Variants in CLPB observed in about 807,000 individuals in gnomAD.
CLPB encodes mitochondrial disaggregase.
CLPB carries 40 observed loss-of-function variants against 78.4 expected under a neutral mutation model. That is an observed-to-expected ratio of 0.51 (90% CI 0.40 to 0.66). The LOEUF (loss-of-function observed/expected upper bound fraction) is 0.66. Ranked by LOEUF, CLPB falls within the 30% of genes least tolerant of loss-of-function variation. The probability of loss-of-function intolerance (pLI) is 0.00; values close to 1 mark genes in which losing one functional copy is unlikely to be tolerated. For missense variants in CLPB, 780 were observed against 886.9 expected, an observed-to-expected ratio of 0.88 and a Z score of 1.53; for synonymous variants, 333 against 348.0, an observed-to-expected ratio of 0.96 and a Z score of 0.48.
chr11:72,323,565 C>CAAAA (rs371241451), intron 6 of CLPB, among the ~76,000 whole-genome samples: 5 of 68,788 alleles, frequency 7.3e-5, no homozygotes, highest in African/African-American at 6.3e-5. Context: ...GACTCCATCT[C>CAAAA]AAAAAAAAAA....
intron 5 of CLPB, among the ~76,000 whole-genome samples, chr11:72,333,926 A>C (rs1362069718): frequency 6.6e-6 from 1 of 151,234 alleles, no homozygotes; most frequent in East Asian, 1.9e-4. Flanking sequence ...CTTAGCCTCA[A>C]GGGGAGCTCT....
chr11:72,400,151 T>G (rs1050287627), intron 3 of CLPB, among the ~76,000 whole-genome samples: 1 of 152,218 alleles, frequency 6.6e-6, no homozygotes, highest in Non-Finnish European at 1.5e-5. Context: ...ATAAGCTCTA[T>G]GTGGGCAGGG....
chr11:72,377,785 G>T (rs1328351030), intron 4 of CLPB, among the ~76,000 whole-genome samples: 1 of 152,166 alleles, frequency 6.6e-6, no homozygotes, highest in African/African-American at 2.4e-5. Context: ...TGTAGAGCAG[G>T]GTTGGCAAAC....
At chr11:72,362,100 C>T (rs924277368) in intron 4 of CLPB, among the ~76,000 whole-genome samples, 1 of 152,196 alleles carries the variant, frequency 6.6e-6, no homozygotes, top group African/African-American at 2.4e-5. Flanking sequence ...TCTTTCTTGC[C>T]TCTGAGCTTT....
At chr11:72,395,469 T>G (rs528818730) in intron 3 of CLPB, among the ~76,000 whole-genome samples, 2 of 152,222 alleles carry the variant, frequency 1.3e-5, no homozygotes, top group Non-Finnish European at 2.9e-5. Context: ...TGGACAACCT[T>G]GGACAACTCT....
At chr11:72,389,550 A>G (rs1855185006) in intron 3 of CLPB, among the ~76,000 whole-genome samples, 1 of 152,168 alleles carries the variant, frequency 6.6e-6, no homozygotes, top group Non-Finnish European at 1.5e-5. Context: ...CAGGCCACTC[A>G]ATTATGTTTT....
chr11:72,382,308 C>T (rs529612111), intron 3 of CLPB, among the ~76,000 whole-genome samples: 1 of 152,216 alleles, frequency 6.6e-6, no homozygotes, highest in South Asian at 2.1e-4. Context: ...GGCCCAACCC[C>T]CATAAACTCA....
rs1004490311 is a variant in CLPB at position 72,434,229 on chromosome 11, G to A, written c.246C>T (p.Cys82=). The A allele has an allele frequency of 1.1e-5, 18 of 1,613,522 alleles. No homozygotes were observed. Among genetic ancestry groups the A allele is most frequent in the African/African-American group, 9.3e-5 (7 of 74,922 alleles). Residue 82 remains cysteine (C), a synonymous_variant, in exon 1 of 16, where the codon TGC becomes TGT. Transcript: ENST00000538039. ...GGCGTCCCCAAGTGGCAGCCGCGAG[G>A]CATTTGGTATCGAAGCGTCCTCCCT... ...GRQGGRFDTK[C]LAAATWGRLP...
At chr11:72,430,183 G>C in intron 2 of CLPB, 129 bp downstream of exon 2, 1 of 846,824 alleles carries the variant, frequency 1.2e-6, no homozygotes, top group Non-Finnish European at 1.9e-6. Flanking sequence ...TGTGACTACA[G>C]AGATGTCACA....
rs1949576385 is a variant in CLPB at position 72,297,641 on chromosome 11, GTGTGTGTGT to G, written c.1330-2002_1330-1994del. ...AGTTCTAGTTTTGGGGACCAGGTGT[GTGTGTGTGT>G]GTGTGTGTGTGTGTGTGTGTGTGTG... On this transcript the variant is annotated intron_variant, in intron 11 of 15. Coordinates refer to ENST00000538039, the MANE Select transcript of CLPB (RefSeq NM_001258392.3). Among the ~76,000 whole-genome samples the G allele has an allele frequency of 8.4e-5, 3 of 35,926 alleles. No homozygotes were observed. The African/African-American group carries it at 1.0e-3, about 12-fold the overall frequency. 23.6% of individuals were successfully genotyped at this position (35,926 alleles called of 152,430 possible).
Position 72,430,323 on chromosome 11 carries a change from T to C in CLPB, c.444A>G (p.Gln148=), listed in dbSNP as rs754513809. The C allele has an allele frequency of 1.2e-6, 2 of 1,613,396 alleles. No homozygotes were observed. The highest frequency in any genetic ancestry group is 1.7e-6 in the Non-Finnish European group (2 of 1,179,876). The part of the protein sequence containing the change: ...LLEAARANNM[Q]EVSRLLSEGA... ...GGGGTTCAACTCACCTGCTGACTTC[T>C]TGCATATTGTTGGCACGGGCAGCTT... Residue 148 remains glutamine, a synonymous_variant, in exon 2 of 16, where the codon CAA becomes CAG. Transcript: ENST00000538039.
At chr11:72,367,797 AAAAAG>A (rs1327537612) in intron 4 of CLPB, among the ~76,000 whole-genome samples, 6 of 152,330 alleles carry the variant, frequency 3.9e-5, no homozygotes, top group Non-Finnish European at 7.4e-5. Context: ...AAATTAAAAA[AAAAAG>A]AAATGAGGTA....
chr11:72,325,586 T>C (rs1015837072), intron 6 of CLPB, among the ~76,000 whole-genome samples: 4 of 152,192 alleles, frequency 2.6e-5, no homozygotes, highest in African/African-American at 4.8e-5. Context: ...GGGTAAATGA[T>C]GCATTTTAAA....
In CLPB at chr11:72,327,613, C is replaced by T. The variant is rs530866308; in HGVS notation, c.873+2094G>A. ...TCTTGCTTCAGTGGCCAGACCAGTACCTGCTCTATGTCACACAAGCTCAAA... is the reference window on the plus strand; with the variant it reads ...TCTTGCTTCAGTGGCCAGACCAGTATCTGCTCTATGTCACACAAGCTCAAA... On this transcript the variant is annotated intron_variant, in intron 6 of 15. Transcript: ENST00000538039. 3.5e-4 allele frequency among the ~76,000 whole-genome samples: 53 copies of T among 152,296 alleles called. 1 individual carries two copies. Among genetic ancestry groups the T allele is most frequent in the African/African-American group, 1.1e-3 (44 of 41,558 alleles).
intron 5 of CLPB, among the ~76,000 whole-genome samples, chr11:72,335,391 G>A (rs768892962): frequency 3.9e-5 from 6 of 152,118 alleles, no homozygotes; most frequent in Admixed American, 6.5e-5. Context: ...CATCTCAAAC[G>A]GGTGGTCACT....
intron 9 of CLPB, among the ~76,000 whole-genome samples, chr11:72,305,516 C>T (rs1278132614): frequency 1.3e-5 from 2 of 152,196 alleles, no homozygotes; most frequent in African/African-American, 4.8e-5. Context: ...AGGGCTTTCA[C>T]CTTGAGGCAA....
At chr11:72,407,740 G>A (rs1025969465) in intron 2 of CLPB, among the ~76,000 whole-genome samples, 13 of 151,358 alleles carry the variant, frequency 8.6e-5, no homozygotes, top group African/African-American at 2.9e-4. Flanking sequence ...TCCGCCTCCC[G>A]AGTTCACGCC....
At chr11:72,367,402 T>G (rs113573893) in intron 4 of CLPB, among the ~76,000 whole-genome samples, 15,412 of 152,208 alleles carry the variant, frequency 0.1, 1,045 homozygotes, top group African/African-American at 0.19. Flanking sequence ...GACCTCAAGT[T>G]ATCCGCCTGC....
At chr11:72,367,359 T>C (rs1179554168) in intron 4 of CLPB, among the ~76,000 whole-genome samples, 1 of 152,204 alleles carries the variant, frequency 6.6e-6, no homozygotes, top group East Asian at 1.9e-4. Context: ...AGTTGGGGTT[T>C]CGCCATGTTG....
Sources: allele counts gnomAD v4.1 joint callset (sites outside exome capture counted in the v4.1 genomes callset), GRCh38; gene constraint gnomAD v4.1.1; transcripts MANE v1.5; gene names NCBI Gene and HGNC (gene_info 2026-07-23, HGNC 2026-07-21).